The following HUWE1 variants were observed in gnomAD, a reference collection of about 807,000 sequenced individuals.
HUWE1 encodes the protein E3 ubiquitin-protein ligase HUWE1.
A neutral mutation model predicts 299.4 loss-of-function variants in HUWE1; 18 were observed. That is an observed-to-expected ratio of 0.06 (90% CI 0.04 to 0.09). The LOEUF is 0.09. HUWE1 is among the 10% of genes least tolerant of loss of function. The pLI, the probability that HUWE1 is intolerant of heterozygous loss-of-function variation, is 1.00. For synonymous variants in HUWE1, 1,317 were observed against 1,286.1 expected (o/e 1.02, Z -0.51); for missense variants, 1,832 against 3,462.3 (o/e 0.53, Z 11.82).
intron 33 of HUWE1, 75 bp from the exon 34 acceptor site, chrX:53,591,197 C>G: frequency 9.0e-7 from 1 of 1,111,648 alleles, no homozygotes; most frequent in African/African-American, 1.8e-5. Context: ...GGAACCTTTT[C>G]AAGATGGAAA....
At chrX:53,534,910 G>T (rs946905602) in intron 81 of HUWE1, among the ~76,000 whole-genome samples, 1 of 109,351 alleles carries the variant, frequency 9.1e-6, no homozygotes, top group Non-Finnish European at 1.9e-5. Flanking sequence ...ACAAATGTGA[G>T]CCACTGTGTC....
chrX:53,625,335 T>C, intron 17 of HUWE1, 77 bp from the exon 18 acceptor site: 7 of 638,014 alleles, frequency 1.1e-5, no homozygotes, highest in Non-Finnish European at 1.6e-5. Context: ...AAAACAAAAT[T>C]TTAAGAGATC....
intron 7 of HUWE1, among the ~76,000 whole-genome samples, chrX:53,643,331 TG>T (rs1316753534): frequency 2.7e-5 from 3 of 111,121 alleles, no homozygotes; most frequent in African/African-American, 9.8e-5. Flanking sequence ...ATACTGTGAA[TG>T]GGGTCTTTTC....
At chrX:53,601,708 G>A (rs1556991002) in intron 28 of HUWE1, among the ~76,000 whole-genome samples, 2 of 92,271 alleles carry the variant, frequency 2.2e-5, no homozygotes, top group Non-Finnish European at 4.3e-5. Context: ...CGCTCTTGTT[G>A]CCCAGGCTGG....
At chrX:53,684,177 T>G in intron 2 of HUWE1, 1 of 235,551 alleles carries the variant, frequency 4.2e-6, no homozygotes, top group Non-Finnish European at 7.7e-6. Flanking sequence ...GGAGCCAACC[T>G]ACCACGGCCG....
rs782449473 is a variant in HUWE1, at chrX:53,563,736, G to C, written c.7105+10C>G. 5 of 1,207,414 alleles carry C rather than the reference G, an allele frequency of 4.1e-6. No individual in the cohort carries two copies. The highest frequency in any genetic ancestry group is 5.6e-6 in the Non-Finnish European group (5 of 894,013). The stretch of plus-strand genomic sequence containing the variant: ...AAGGAAGAGGCTATACTCAGTTCTG[G>C]GGCTCTCACCTATAATTGTACTGTT... On this transcript the variant is annotated intron_variant, in intron 52 of 83. Transcript: ENST00000262854.
chrX:53,544,021 G>C, intron 72 of HUWE1, 53 bp from the exon 73 acceptor site: 9 of 1,030,744 alleles, frequency 8.7e-6, no homozygotes, highest in Non-Finnish European at 1.1e-5. Context: ...AAGAGGGAAA[G>C]CCCAATATTC....
At chrX:53,645,736 A>AAAAAAATAT (rs2067967606) in intron 6 of HUWE1, among the ~76,000 whole-genome samples, 1 of 26,132 alleles carries the variant, frequency 3.8e-5, no homozygotes, top group African/African-American at 1.5e-4. Context: ...AAAAAAAAAA[A>AAAAAAATAT]ATATATATAT....
chrX:53,540,067 A>G (rs1006637079), intron 74 of HUWE1, among the ~76,000 whole-genome samples: 2 of 112,519 alleles, frequency 1.8e-5, no homozygotes, highest in African/African-American at 6.5e-5. Flanking sequence ...CAAAAGCCAC[A>G]GGTGCTACTG....
chrX:53,658,429 A>G (rs1213283765), intron 3 of HUWE1, among the ~76,000 whole-genome samples: 1 of 111,878 alleles, frequency 8.9e-6, no homozygotes, highest in Non-Finnish European at 1.9e-5. Flanking sequence ...GGAGAAGAAC[A>G]AAGTCAGAAG....
chrX:53,566,971 G>A (rs1311359446), intron 49 of HUWE1, among the ~76,000 whole-genome samples: 2 of 111,004 alleles, frequency 1.8e-5, no homozygotes, highest in African/African-American at 6.6e-5. Flanking sequence ...ACTGAATCCC[G>A]GATCAAAACA....
At chrX:53,684,632 GTC>G (rs2070374345) in intron 2 of HUWE1, among the ~76,000 whole-genome samples, 1 of 112,360 alleles carries the variant, frequency 8.9e-6, no homozygotes, top group Non-Finnish European at 1.9e-5. Flanking sequence ...GGAGCAAAGA[GTC>G]CCCCATTGTT....
At chrX:53,614,981 C>T (rs1472971343) in intron 22 of HUWE1, among the ~76,000 whole-genome samples, 3 of 107,503 alleles carry the variant, frequency 2.8e-5, no homozygotes, top group East Asian at 2.9e-4. Context: ...AAGTGACTGA[C>T]GAACCTGACT....
chrX:53,539,402 T>C (rs907230603), intron 75 of HUWE1, among the ~76,000 whole-genome samples: 57 of 109,614 alleles, frequency 5.2e-4, no homozygotes, highest in Non-Finnish European at 8.2e-4. Flanking sequence ...GGAACTTCCT[T>C]GAAGCCAAAG....
At chrX:53,600,564 G>A (rs1163369062) in intron 28 of HUWE1, among the ~76,000 whole-genome samples, 1 of 112,357 alleles carries the variant, frequency 8.9e-6, no homozygotes, top group African/African-American at 3.2e-5. Flanking sequence ...GAAGACTGTT[G>A]TAGGCACAGC....
At chrX:53,549,652 A>G in intron 66 of HUWE1, 147 bp from the exon 67 acceptor site, 1 of 520,936 alleles carries the variant, frequency 1.9e-6, no homozygotes, top group Non-Finnish European at 3.4e-6. Context: ...TCATAGTAAC[A>G]GCTGCCCTCT....
chrX:53,569,477 G>C (rs1445354147), intron 48 of HUWE1, 139 bp downstream of exon 48: 2 of 569,122 alleles, frequency 3.5e-6, no homozygotes, highest in Non-Finnish European at 6.0e-6. Flanking sequence ...CCAACCGCCA[G>C]AACTATTTGA....
intron 3 of HUWE1, among the ~76,000 whole-genome samples, chrX:53,655,377 C>T (rs1805298744): frequency 8.9e-6 from 1 of 111,783 alleles, no homozygotes; most frequent in African/African-American, 3.2e-5. Context: ...TCCATTCAAT[C>T]AGCAGGCATT....
intron 27 of HUWE1, 124 bp from the exon 28 acceptor site, chrX:53,602,782 T>C: frequency 2.5e-6 from 1 of 402,104 alleles, no homozygotes; most frequent in Non-Finnish European, 4.3e-6. Context: ...GCAGGCAGGT[T>C]AAACTGAATG....
Sources: gnomAD v4.1 joint callset for allele counts (sites outside exome capture counted in the v4.1 genomes callset) on GRCh38, gnomAD v4.1.1 for gene constraint, MANE v1.5 for transcripts, NCBI Gene and HGNC (gene_info 2026-07-23, HGNC 2026-07-21) for gene names.